Variants in STX18 observed in about 807,000 individuals in gnomAD.
STX18 encodes the protein syntaxin-18.
In STX18, 40 loss-of-function variants were observed where a neutral mutation model predicts 50.1. The ratio of observed to expected loss-of-function variants is 0.80; its 90% CI spans 0.62 to 1.04. STX18 has a LOEUF of 1.04. STX18 is among the 50% of genes least tolerant of loss of function. STX18 has a pLI of 0.00. For synonymous variants in STX18, 158 were observed against 151.8 expected (o/e 1.04, Z -0.30); for missense variants, 410 against 415.8 (o/e 0.99, Z 0.12).
chr4:4,523,276 G>C (rs1730599169), intron 1 of STX18, among the ~76,000 whole-genome samples: 1 of 152,160 alleles, frequency 6.6e-6, no homozygotes, highest in African/African-American at 2.4e-5. Flanking sequence ...TTCTCTGCTG[G>C]CTTCTCAAAT....
chr4:4,421,617 C>T (rs1377817951), intron 9 of STX18, among the ~76,000 whole-genome samples: 2 of 152,130 alleles, frequency 1.3e-5, no homozygotes, highest in African/African-American at 4.8e-5. Flanking sequence ...CGCCACTCGC[C>T]GGTGACGGAC....
chr4:4,432,884 G>A (rs1399561123), intron 7 of STX18, among the ~76,000 whole-genome samples: 2 of 152,262 alleles, frequency 1.3e-5, no homozygotes, highest in Non-Finnish European at 2.9e-5. Context: ...GAGCAGACAT[G>A]TGGACCTGGC....
chr4:4,466,937 T>C lies in STX18; in HGVS notation c.236+4702A>G, dbSNP rs575193573. ...GGGCAGGGGGCTAGGGAATGGGGAA[T>C]GCTGACTGGTTGGATTAAGGATGAA... On this transcript the variant is annotated intron_variant, in intron 2 of 10. Coordinates refer to ENST00000306200, the MANE Select transcript of STX18 (RefSeq NM_016930.4). 1.2e-4 allele frequency among the ~76,000 whole-genome samples: 19 copies of C among 152,084 alleles called. No homozygotes were observed. The South Asian group carries it at 3.6e-3, about 28-fold the overall frequency.
At position 4,498,795 on chromosome 4, in the gene STX18, A is replaced by T. The variant is rs1729307623; in HGVS notation, c.169-27089T>A. Among the ~76,000 whole-genome samples the T allele has an allele frequency of 2.6e-5, 4 of 152,352 alleles. No homozygotes were observed. In the South Asian group the frequency reaches 6.2e-4, roughly 24 times the overall value. On this transcript the variant is annotated intron_variant, in intron 1 of 10. Transcript: ENST00000306200. ...AAAGATCTAGGTTTTTTTATTTGAT[A>T]AAAAGAGAGAGAAAGATGTGGACAA...
intron 5 of STX18, among the ~76,000 whole-genome samples, chr4:4,450,553 C>T (rs57400836): frequency 6.6e-6 from 1 of 152,342 alleles, no homozygotes; most frequent in East Asian, 1.9e-4. Flanking sequence ...ATCCACCCAC[C>T]TTGGCCTCCT....
intron 1 of STX18, among the ~76,000 whole-genome samples, chr4:4,487,655 C>G (rs1427795199): frequency 6.6e-6 from 1 of 152,184 alleles, no homozygotes; most frequent in Non-Finnish European, 1.5e-5. Flanking sequence ...GTCGCCTCCC[C>G]CCTGCCAAAC....
At chr4:4,513,276 G>T (rs932505309) in intron 1 of STX18, among the ~76,000 whole-genome samples, 2 of 152,200 alleles carry the variant, frequency 1.3e-5, no homozygotes, top group Admixed American at 1.3e-4. Context: ...TCAAATCTCA[G>T]CTTTGCCTTA....
At chr4:4,438,935 A>C (rs1403538191) in intron 5 of STX18, among the ~76,000 whole-genome samples, 1 of 150,398 alleles carries the variant, frequency 6.6e-6, no homozygotes, top group Non-Finnish European at 1.5e-5. Context: ...ATTCATATAT[A>C]TATATATACC....
intron 2 of STX18, among the ~76,000 whole-genome samples, chr4:4,469,030 C>A (rs1367265279): frequency 6.6e-6 from 1 of 152,128 alleles, no homozygotes; most frequent in Non-Finnish European, 1.5e-5. Flanking sequence ...GTAGACACAC[C>A]AGAGTGTGTA....
intron 1 of STX18, among the ~76,000 whole-genome samples, chr4:4,508,247 A>C (rs1172831293): frequency 6.6e-6 from 1 of 152,154 alleles, no homozygotes; most frequent in Non-Finnish European, 1.5e-5. Flanking sequence ...TGGTGTCTTA[A>C]GTATGTCATA....
At chr4:4,509,085 G>C (rs747994322) in intron 1 of STX18, among the ~76,000 whole-genome samples, 2 of 152,164 alleles carry the variant, frequency 1.3e-5, no homozygotes. Flanking sequence ...ACCCACTAAT[G>C]GGATTGCTAG....
At chr4:4,456,589 C>T (rs1161066073) in intron 5 of STX18, among the ~76,000 whole-genome samples, 1 of 152,170 alleles carries the variant, frequency 6.6e-6, no homozygotes, top group Non-Finnish European at 1.5e-5. Context: ...GCGTCCTTAC[C>T]TGCTGACAGG....
At chr4:4,498,276 C>G (rs1028567840) in intron 1 of STX18, among the ~76,000 whole-genome samples, 2 of 151,832 alleles carry the variant, frequency 1.3e-5, no homozygotes, top group Non-Finnish European at 2.9e-5. Context: ...CAAAAAGAAG[C>G]AAGTAGATTT....
In STX18 at chr4:4,420,926, T is replaced by C. The variant is rs1724920049; in HGVS notation, c.850A>G (p.Ile284Val). 1 of 1,614,066 alleles carries C rather than the reference T, an allele frequency of 6.2e-7. No individual in the cohort carries two copies. ...GTTGCCCCCACAACTAACTGGTGAA[T>C]GCTGTCAATCTCAGCTTCCTGTGGA... is the stretch of plus-strand genomic sequence containing the variant. ...VLQQEAEIDS[I>V]HQLVVGATEN... The change falls in exon 10 of 11, where the codon ATT becomes GTT. Residue 284 changes from isoleucine to valine, a missense_variant. Ile to Val is a conservative substitution (Grantham distance 29). Coordinates refer to ENST00000306200, the MANE Select transcript of STX18 (RefSeq NM_016930.4). The surrounding 1 kb of genome is among the most constrained non-coding windows in gnomAD (Gnocchi z 4.3).
chr4:4,535,483 C>T (rs1364072618), intron 1 of STX18, among the ~76,000 whole-genome samples: 1 of 152,006 alleles, frequency 6.6e-6, no homozygotes, highest in Admixed American at 6.5e-5. Flanking sequence ...CCCTGGAGAG[C>T]ATTAAAGCAG....
chr4:4,447,293 T>C (rs571692445), intron 5 of STX18, among the ~76,000 whole-genome samples: 1 of 151,830 alleles, frequency 6.6e-6, no homozygotes, highest in Admixed American at 6.6e-5. Flanking sequence ...TTCCCACCTA[T>C]AAAATGGGGC....
chr4:4,485,914 T>C (rs1728680301), intron 1 of STX18, among the ~76,000 whole-genome samples: 1 of 152,196 alleles, frequency 6.6e-6, no homozygotes, highest in African/African-American at 2.4e-5. Flanking sequence ...ACACACTTTT[T>C]CTGGGATCAC....
chr4:4,438,602 GCT>G, intron 5 of STX18, 93 bp from the exon 6 acceptor site: 1 of 1,016,932 alleles, frequency 9.8e-7, no homozygotes, highest in South Asian at 1.5e-5. Flanking sequence ...CTGCGCTTTT[GCT>G]CTGTGTCCCT....
At chr4:4,486,363 A>G (rs1206130193) in intron 1 of STX18, among the ~76,000 whole-genome samples, 1 of 152,240 alleles carries the variant, frequency 6.6e-6, no homozygotes, top group Non-Finnish European at 1.5e-5. Context: ...TGTCATTCAC[A>G]TGTCAATAAG....
Sources: allele counts gnomAD v4.1 joint callset (sites outside exome capture counted in the v4.1 genomes callset), GRCh38; gene constraint gnomAD v4.1.1; non-coding constraint Gnocchi (gnomAD v3.1); transcripts MANE v1.5; gene names NCBI Gene and HGNC (gene_info 2026-07-23, HGNC 2026-07-21).